FAT3: variants seen among roughly 807,000 people sequenced by gnomAD.
FAT3 encodes the protein protocadherin Fat 3.
In FAT3, 95 loss-of-function variants were observed where a neutral mutation model predicts 310.2. The ratio of observed to expected loss-of-function variants is 0.31; its 90% CI spans 0.26 to 0.36. The LOEUF (loss-of-function observed/expected upper bound fraction) is 0.36, where lower values mean the gene tolerates loss of function less well. Among genes scored for constraint, FAT3 ranks in the 10% least tolerant of loss-of-function variants. The pLI, the probability that FAT3 is intolerant of heterozygous loss-of-function variation, is 1.00. For synonymous variants in FAT3, 2,314 were observed against 2,192.9 expected (o/e 1.06, Z -1.54); for missense variants, 5,408 against 5,715.6 (o/e 0.95, Z 1.74).
chr11:92,386,544 T>G (rs1949626703), intron 2 of FAT3, among the ~76,000 whole-genome samples: 1 of 152,234 alleles, frequency 6.6e-6, no homozygotes, highest in African/African-American at 2.4e-5. Context: ...GCGTGAGCAA[T>G]AAGTACATTA....
intron 2 of FAT3, among the ~76,000 whole-genome samples, chr11:92,369,382 C>A (rs1949121715): frequency 6.6e-6 from 1 of 152,210 alleles, no homozygotes; most frequent in South Asian, 2.1e-4. Flanking sequence ...AAGGTTGATG[C>A]CAAAGAAACC....
At chr11:92,432,513 CA>C (rs1230122993) in intron 2 of FAT3, among the ~76,000 whole-genome samples, 1 of 152,172 alleles carries the variant, frequency 6.6e-6, no homozygotes, top group Non-Finnish European at 1.5e-5. Context: ...TTCTAACAGT[CA>C]GGCCCCTCTT....
At chr11:92,763,249 A>G (rs963737010) in intron 5 of FAT3, among the ~76,000 whole-genome samples, 2 of 151,884 alleles carry the variant, frequency 1.3e-5, no homozygotes, top group Non-Finnish European at 2.9e-5. Flanking sequence ...CGATGGCCTG[A>G]GTCCCTTGAT....
rs759492943 is a variant in FAT3, at chr11:92,761,983, G to T, written c.3797G>T (p.Arg1266Leu). The part of the protein sequence containing the change: ...EKVYQIKLPE[R>L]DRKKRGEPIY... ...GTCTACCAGATCAAGCTGCCAGAACGTGACCGAAAGAAGAGAGGAGAACCG... is the reference window on the plus strand; with the variant it reads ...GTCTACCAGATCAAGCTGCCAGAACTTGACCGAAAGAAGAGAGGAGAACCG... The change falls in exon 5 of 28, where the codon CGT (arginine) becomes CTT (leucine). Residue 1266 changes from arginine to leucine, a missense_variant. Around this residue, in one of 5 missense-constraint regions of FAT3, gnomAD observed 4,588 missense variants for 4,809.8 expected, o/e 0.95. Transcript: ENST00000525166. 6.2e-7 allele frequency: 1 copy of T among 1,613,956 alleles called. No individual in the cohort carries two copies. The highest frequency in any genetic ancestry group is 1.1e-5 in the South Asian group (1 of 91,078).
At position 92,353,014 on chromosome 11, in the gene FAT3, T is replaced by C. The variant is rs1231216002; in HGVS notation, c.902T>C (p.Val301Ala). 2 of 1,613,714 alleles carry C rather than the reference T, an allele frequency of 1.2e-6. No individual in the cohort carries two copies. The highest frequency in any genetic ancestry group is 1.7e-5 in the Admixed American group (1 of 59,912). Residue 301 changes from valine (V) to alanine (A), a missense_variant, in exon 2 of 28, where the codon GTT becomes GCT. Physicochemically the swap from Val to Ala is moderately conservative, Grantham distance 64. Coordinates refer to ENST00000525166, the MANE Select transcript of FAT3 (RefSeq NM_001367949.2). Reference protein sequence around the residue: ...DDGANGEIESVSIVAGDPLDQ... With the variant: ...DDGANGEIESASIVAGDPLDQ... ...GGAGCGAATGGAGAGATCGAATCTG[T>C]TTCCATTGTGGCTGGGGATCCTTTA... is the stretch of plus-strand genomic sequence containing the variant.
chr11:92,553,104 A>G (rs1474836326), intron 3 of FAT3, among the ~76,000 whole-genome samples: 1 of 152,176 alleles, frequency 6.6e-6, no homozygotes, highest in Non-Finnish European at 1.5e-5. Context: ...CTCATTCCTA[A>G]GCCAAAAAAA....
Position 92,883,076 on chromosome 11 carries a change from T to A in FAT3, c.12620T>A (p.Ile4207Asn), listed in dbSNP as rs2136413424. 1 of 1,613,904 alleles carries A rather than the reference T, an allele frequency of 6.2e-7. No individual in the cohort carries two copies. The highest frequency in any genetic ancestry group is 8.5e-7 in the Non-Finnish European group (1 of 1,179,902). The stretch of plus-strand genomic sequence containing the variant: ...GCCCTGCTTAACAAGAGCAATGGCA[T>A]CCCGTTCCGGAACCTGCGCGGCAGT... ...TAALLNKSNG[I>N]PFRNLRGSGD... The change falls in exon 24 of 28, where the codon ATC (isoleucine) becomes AAC (asparagine). Residue 4207 changes from isoleucine to asparagine, a missense_variant. By Grantham distance (149) the Ile-to-Asn change is moderately radical. This residue lies in a region of FAT3 where 649 missense variants were observed against 666.2 expected (regional missense o/e 0.97). Transcript: ENST00000525166. The surrounding 1 kb of genome is among the most constrained non-coding windows in gnomAD (Gnocchi z 4.2).
At chr11:92,578,697 A>C (rs182611794) in intron 3 of FAT3, among the ~76,000 whole-genome samples, 296 of 152,224 alleles carry the variant, frequency 1.9e-3, no homozygotes, top group African/African-American at 6.8e-3. Flanking sequence ...CACCTGAATC[A>C]TATAATCTTC....
At position 92,414,941 on chromosome 11, in the gene FAT3, C is replaced by T. The variant is rs1185885184; in HGVS notation, c.3292+59537C>T. 7.9e-5 allele frequency among the ~76,000 whole-genome samples: 12 copies of T among 151,072 alleles called. No individual in the cohort carries two copies. The East Asian group carries it at 1.6e-3, about 20-fold the overall frequency. On this transcript the variant is annotated intron_variant, in intron 2 of 27. Coordinates refer to ENST00000525166, the MANE Select transcript of FAT3 (RefSeq NM_001367949.2). ...AGGAGAATGGCATGAACCCGGGAGG[C>T]GGAGCTTGCAGTGAGCTGAGATCCT...
intron 1 of FAT3, among the ~76,000 whole-genome samples, chr11:92,305,323 C>T (rs1333110336): frequency 3.3e-5 from 5 of 152,050 alleles, no homozygotes; most frequent in Non-Finnish European, 7.4e-5. Context: ...ACACACCCTC[C>T]TTACCGTAGA....
At chr11:92,444,126 G>T (rs141140767) in intron 2 of FAT3, among the ~76,000 whole-genome samples, 234 of 152,202 alleles carry the variant, frequency 1.5e-3, no homozygotes, top group African/African-American at 5.4e-3. Flanking sequence ...ATAAAATATT[G>T]TGAACCATAT....
At chr11:92,585,458 CA>C (rs1400039064) in intron 3 of FAT3, among the ~76,000 whole-genome samples, 1 of 152,004 alleles carries the variant, frequency 6.6e-6, no homozygotes, top group Non-Finnish European at 1.5e-5. Context: ...GTTGTCTCAT[CA>C]GAGACATCTC....
intron 9 of FAT3, among the ~76,000 whole-genome samples, chr11:92,794,787 C>T (rs913120037): frequency 6.6e-6 from 1 of 152,150 alleles, no homozygotes; most frequent in Non-Finnish European, 1.5e-5. Flanking sequence ...TTGAGGATTA[C>T]AATGTTCACA....
At chr11:92,718,937 G>T (rs1944771262) in intron 4 of FAT3, among the ~76,000 whole-genome samples, 1 of 152,126 alleles carries the variant, frequency 6.6e-6, no homozygotes, top group Non-Finnish European at 1.5e-5. Context: ...AAAGAAACGG[G>T]TAAGAAATGT....
intron 1 of FAT3, among the ~76,000 whole-genome samples, chr11:92,252,625 C>A (rs541810158): frequency 6.6e-6 from 1 of 152,158 alleles, no homozygotes; most frequent in African/African-American, 2.4e-5. Context: ...CCTTTCCTTA[C>A]ATTTTCTTTT....
chr11:92,811,066 T>G (rs185181133), intron 13 of FAT3, among the ~76,000 whole-genome samples: 5 of 152,336 alleles, frequency 3.3e-5, no homozygotes, highest in Admixed American at 1.3e-4. Context: ...GTGGCTACAA[T>G]TTGAATTATT....
In FAT3 at chr11:92,866,914, C is replaced by T. The variant is rs1949262134; in HGVS notation, c.11832C>T (p.Pro3944=). The T allele has an allele frequency of 6.2e-7, 1 of 1,613,944 alleles. No individual in the cohort carries two copies. Among genetic ancestry groups the T allele is most frequent in the Admixed American group, 1.7e-5 (1 of 60,026 alleles). The part of the protein sequence containing the change: ...DDSYVERRRA[P]LYFQTLSTES... Reference sequence around the variant, plus strand: ...GCTACGTGGAGCGGCGCCGGGCGCCCCTCTACTTCCAGACGCTGAGCACTG... The same window carrying T: ...GCTACGTGGAGCGGCGCCGGGCGCCTCTCTACTTCCAGACGCTGAGCACTG... The change falls in exon 22 of 28, where the codon CCC becomes CCT. Residue 3944 remains proline (P), a synonymous_variant. Coordinates refer to ENST00000525166, the MANE Select transcript of FAT3 (RefSeq NM_001367949.2).
In FAT3 at chr11:92,634,288, A is replaced by G. The variant is rs79387800; in HGVS notation, c.3608-63096A>G. Among the ~76,000 whole-genome samples the G allele has an allele frequency of 3.4e-4, 52 of 152,280 alleles. 1 individual carries two copies. In the East Asian group the frequency reaches 9.8e-3, roughly 29 times the overall value. ...ATTCTTTATAGCTTTTGGGAACCCA[A>G]ATCCCCCTTTTGTTTTCTATTTCCC... On this transcript the variant is annotated intron_variant, in intron 3 of 27. Transcript: ENST00000525166.
intron 3 of FAT3, among the ~76,000 whole-genome samples, chr11:92,629,030 A>C (rs1424382850): frequency 1.3e-5 from 2 of 152,254 alleles, no homozygotes; most frequent in Non-Finnish European, 2.9e-5. Flanking sequence ...GCTCTTAAGC[A>C]GCCCAGCTTT....
Sources: gnomAD v4.1 joint callset for allele counts (sites outside exome capture counted in the v4.1 genomes callset) on GRCh38, gnomAD v4.1.1 for gene constraint, gnomAD v4.1.1 regional missense constraint, Gnocchi (gnomAD v3.1) non-coding constraint, MANE v1.5 for transcripts, NCBI Gene and HGNC (gene_info 2026-07-23, HGNC 2026-07-21) for gene names.